TLE2: variants seen among roughly 807,000 people sequenced by gnomAD.
The protein encoded by TLE2 is transducin-like enhancer protein 2.
TLE2 carries 74 observed loss-of-function variants against 97.2 expected under a neutral mutation model. That is an observed-to-expected ratio of 0.76 (90% CI 0.63 to 0.92). The LOEUF (loss-of-function observed/expected upper bound fraction) is 0.92. TLE2 is among the 40% of genes least tolerant of loss of function. The pLI is 0.00. For missense variants in TLE2, 1,038 were observed against 1,008.7 expected, an observed-to-expected ratio of 1.03 and a Z score of -0.39; for synonymous variants, 499 against 432.1, an observed-to-expected ratio of 1.15 and a Z score of -1.92.
chr19:3,023,994 C>CTT lies in TLE2; in HGVS notation c.294+1024_294+1025dup, dbSNP rs372319602. On this transcript the variant is annotated intron_variant, in intron 5 of 19. Coordinates refer to ENST00000262953, the MANE Select transcript of TLE2 (RefSeq NM_003260.5). Reference sequence around the variant, plus strand: ...CCTGGGGCACTCTCAGAAGAGCTAACTTTTTTTTTTTTTTTTTTTGAGATG... The same window carrying CTT: ...CCTGGGGCACTCTCAGAAGAGCTAACTTTTTTTTTTTTTTTTTTTTTGAGATG... Among the ~76,000 whole-genome samples the CTT allele has an allele frequency of 1.1e-3, 137 of 123,078 alleles. 1 individual carries two copies. The highest frequency in any genetic ancestry group is 1.3e-3 in the African/African-American group (39 of 31,190). The allele number at this position is 123,078 out of a possible 152,430, so 80.7% of individuals were successfully genotyped here. A position where few individuals can be genotyped will look rare whatever the true frequency, so the allele number is the denominator to read the frequency against.
At chr19:3,023,925 A>C (rs2089895801) in intron 5 of TLE2, among the ~76,000 whole-genome samples, 1 of 147,928 alleles carries the variant, frequency 6.8e-6, no homozygotes, top group African/African-American at 2.5e-5. Context: ...AAGAAAAAGA[A>C]AAAAGAAACA....
chr19:3,004,780 C>A (rs2089439031), intron 17 of TLE2, among the ~76,000 whole-genome samples: 1 of 151,992 alleles, frequency 6.6e-6, no homozygotes, highest in Admixed American at 6.6e-5. Flanking sequence ...GTGCAGAGGC[C>A]TCAGAGCTGT....
At chr19:3,027,977 C>A in intron 3 of TLE2, 104 bp from the exon 4 acceptor site, 1 of 1,213,606 alleles carries the variant, frequency 8.2e-7, no homozygotes, top group Non-Finnish European at 1.2e-6. Flanking sequence ...TCAGGGGAAT[C>A]ACAGCAGGAA....
intron 1 of TLE2, among the ~76,000 whole-genome samples, chr19:3,043,626 C>T (rs1168398933): frequency 5.5e-5 from 8 of 145,586 alleles, no homozygotes; most frequent in Middle Eastern, 3.4e-3. Context: ...GGTGAAACCC[C>T]GTCTCTACTA....
At chr19:3,033,711 G>C (rs573418501), upstream of TLE2, among the ~76,000 whole-genome samples, 92 of 152,188 alleles carry the variant, frequency 6.0e-4, 1 homozygote, top group African/African-American at 2.2e-3. Context: ...GGGCTCTCCT[G>C]TCCGGGCGGC....
Position 3,015,832 on chromosome 19 carries a change from C to T in TLE2, c.571-72G>A, listed in dbSNP as rs2089691134. The T allele has an allele frequency of 1.6e-5, 18 of 1,160,522 alleles. No homozygotes were observed. The South Asian group carries it at 1.6e-4, about 10-fold the overall frequency. The allele number at this position is 1,160,522 out of a possible 1,614,324, so 71.9% of individuals were successfully genotyped here. On this transcript the variant is annotated intron_variant, in intron 8 of 19. Coordinates refer to ENST00000262953, the MANE Select transcript of TLE2 (RefSeq NM_003260.5). ...CTCCTAGATTGCATTGTGATCCAGC[C>T]GAGACTGAGGGTCCCCCACCATTAT...
chr19:3,008,769 G>T (rs1416388970), intron 14 of TLE2, 100 bp downstream of exon 14: 3 of 968,392 alleles, frequency 3.1e-6, no homozygotes, highest in African/African-American at 3.4e-5. Context: ...AGACTTTCTA[G>T]AAGGGAAGCA....
chr19:3,047,256 C>A (rs2090151059), upstream of TLE2, among the ~76,000 whole-genome samples: 1 of 142,392 alleles, frequency 7.0e-6, no homozygotes, highest in African/African-American at 2.6e-5. Flanking sequence ...GCCCGCGGCG[C>A]AGTCGTTAAG....
intron 5 of TLE2, among the ~76,000 whole-genome samples, chr19:3,024,643 G>GC (rs976397183): frequency 1.5e-4 from 23 of 152,228 alleles, no homozygotes; most frequent in African/African-American, 5.5e-4. Flanking sequence ...GGGTGTATGA[G>GC]CTCATCTCAA....
At chr19:3,005,670 A>C in intron 16 of TLE2, 51 bp downstream of exon 16, 1 of 1,607,214 alleles carries the variant, frequency 6.2e-7, no homozygotes, top group Non-Finnish European at 8.5e-7. Flanking sequence ...CTCCCCCTGC[A>C]CCGAGAGCGG....
At chr19:3,021,528 T>C (rs1293245561) in intron 5 of TLE2, among the ~76,000 whole-genome samples, 2 of 152,244 alleles carry the variant, frequency 1.3e-5, no homozygotes, top group Non-Finnish European at 2.9e-5. Context: ...ATGATTAATT[T>C]TATTAAATTT....
chr19:3,003,454 A>G (rs1250794778), intron 17 of TLE2, among the ~76,000 whole-genome samples: 1 of 152,088 alleles, frequency 6.6e-6, no homozygotes, highest in Non-Finnish European at 1.5e-5. Flanking sequence ...CCTGGCCAAC[A>G]TGGCGAAAAC....
intron 10 of TLE2, among the ~76,000 whole-genome samples, chr19:3,014,189 G>A (rs1344450177): frequency 6.6e-6 from 1 of 152,066 alleles, no homozygotes; most frequent in Admixed American, 6.6e-5. Context: ...CAAAGTGCTG[G>A]GATCACAGGT....
At chr19:3,012,748 G>A (rs557601785) in intron 11 of TLE2, among the ~76,000 whole-genome samples, 1 of 152,258 alleles carries the variant, frequency 6.6e-6, no homozygotes, top group Admixed American at 6.5e-5. Context: ...TGTTATCTCG[G>A]CTTCATGTCA....
Position 3,006,418 on chromosome 19 carries a change from A to G in TLE2, c.1500+2T>C, listed in dbSNP as rs1438643736. 6.2e-7 allele frequency: 1 copy of G among 1,607,736 alleles called. No individual in the cohort carries two copies. Among genetic ancestry groups the G allele is most frequent in the South Asian group, 1.1e-5 (1 of 90,694 alleles). On this transcript the variant is annotated splice_donor_variant, in intron 15 of 19. Transcript: ENST00000262953. LOFTEE classifies it high-confidence loss of function. ...CCGCCCACTGTCCCACCCCGCCCTC[A>G]CCAGGCAGTCGAGCTGGGCCACGGG...
intron 5 of TLE2, 99 bp downstream of exon 5, chr19:3,024,921 C>T (rs1401923253): frequency 1.4e-5 from 15 of 1,045,282 alleles, no homozygotes; most frequent in South Asian, 4.5e-5. Flanking sequence ...GCAGGCTACG[C>T]GGCAGAATCA....
intron 8 of TLE2, among the ~76,000 whole-genome samples, chr19:3,017,221 T>C (rs1440819476): frequency 7.1e-6 from 1 of 140,112 alleles, no homozygotes; most frequent in Admixed American, 7.1e-5. Flanking sequence ...CACTGCAACC[T>C]CTGTCTCCCA....
intron 19 of TLE2, among the ~76,000 whole-genome samples, chr19:2,999,719 T>TC (rs1439885756): frequency 1.4e-4 from 14 of 101,834 alleles, no homozygotes; most frequent in African/African-American, 4.0e-4. Context: ...AGAGTGAGAC[T>TC]CCATCTCAAA....
upstream of TLE2, among the ~76,000 whole-genome samples, chr19:3,031,450 C>G (rs551711972): frequency 5.3e-5 from 8 of 151,802 alleles, no homozygotes; most frequent in Non-Finnish European, 1.0e-4. Context: ...TCCCACAAGG[C>G]TCTTCACAAA....
Sources: allele counts gnomAD v4.1 joint callset (sites outside exome capture counted in the v4.1 genomes callset), GRCh38; gene constraint gnomAD v4.1.1; transcripts MANE v1.5; gene names NCBI Gene and HGNC (gene_info 2026-07-23, HGNC 2026-07-21).